Variants in MAP4 observed in about 807,000 individuals in gnomAD.
MAP4 encodes the protein microtubule associated protein 4.
MAP4 carries 76 observed loss-of-function variants against 170.2 expected under a neutral mutation model. The observed-to-expected ratio is 0.45, with a 90% CI of 0.37 to 0.54. MAP4 has a LOEUF of 0.54. MAP4 is among the 20% of genes least tolerant of loss of function. MAP4 has a pLI of 0.00. For missense variants in MAP4, 2,506 were observed against 2,748.0 expected (o/e 0.91, Z 1.97); for synonymous variants, 909 against 994.5 (o/e 0.91, Z 1.62).
chr3:48,003,430 G>A lies in MAP4; in HGVS notation c.-19-4551C>T, dbSNP rs1252768177. ...GATCGCGCCACTGCACTCCAGCCTG[G>A]GTGACAGAGTGAGACTCCTTCTCAA... On this transcript the variant is annotated intron_variant, in intron 1 of 20. Transcript: ENST00000683076. 3.4e-5 allele frequency among the ~76,000 whole-genome samples: 5 copies of A among 146,332 alleles called. No homozygotes were observed. In the East Asian group the frequency reaches 8.0e-4, roughly 23 times the overall value.
intron 3 of MAP4, among the ~76,000 whole-genome samples, chr3:47,970,451 C>A (rs1443688142): frequency 6.6e-6 from 1 of 151,418 alleles, no homozygotes; most frequent in African/African-American, 2.4e-5. Flanking sequence ...TGCCATTGCA[C>A]TGCGCTCCAG....
chr3:47,943,153 A>G (rs1201925778), intron 3 of MAP4, among the ~76,000 whole-genome samples: 2 of 152,194 alleles, frequency 1.3e-5, no homozygotes, highest in African/African-American at 4.8e-5. Flanking sequence ...AAATAAAAGT[A>G]TTTCAATAAA....
chr3:47,952,111 C>G (rs1472812836), intron 3 of MAP4, among the ~76,000 whole-genome samples: 1 of 147,290 alleles, frequency 6.8e-6, no homozygotes, highest in African/African-American at 2.5e-5. Context: ...ACCCTCCGCC[C>G]GGCAGCTGCC....
At chr3:48,021,880 A>G (rs972307272) in intron 1 of MAP4, among the ~76,000 whole-genome samples, 5 of 152,224 alleles carry the variant, frequency 3.3e-5, no homozygotes, top group East Asian at 1.9e-4. Flanking sequence ...TGGCAATGTC[A>G]TATGTTTGAA....
At chr3:47,927,569 A>G (rs2100046789) in intron 4 of MAP4, among the ~76,000 whole-genome samples, 1 of 152,082 alleles carries the variant, frequency 6.6e-6, no homozygotes, top group Non-Finnish European at 1.5e-5. Context: ...TCCGCCTCGC[A>G]GGTTCAAGCA....
chr3:47,903,350 G>A (rs1165066753), intron 9 of MAP4, among the ~76,000 whole-genome samples: 4 of 152,076 alleles, frequency 2.6e-5, no homozygotes, highest in East Asian at 1.9e-4. Flanking sequence ...TGGCTAACAC[G>A]GTGAAACCCC....
At chr3:48,070,139 T>C (rs760406220) in intron 1 of MAP4, among the ~76,000 whole-genome samples, 5 of 151,898 alleles carry the variant, frequency 3.3e-5, no homozygotes, top group Admixed American at 2.6e-4. Context: ...CTAGATAATT[T>C]TTTTTAACTT....
intron 9 of MAP4, among the ~76,000 whole-genome samples, chr3:47,903,900 C>A (rs980122284): frequency 3.3e-5 from 5 of 152,162 alleles, no homozygotes; most frequent in African/African-American, 1.2e-4. Flanking sequence ...TAGACAGAGT[C>A]AAAAGACCTA....
upstream of MAP4, among the ~76,000 whole-genome samples, chr3:48,017,912 G>A (rs1017240063): frequency 6.6e-6 from 1 of 152,278 alleles, no homozygotes; most frequent in East Asian, 1.9e-4. Flanking sequence ...CAGATAGCAG[G>A]AGGGGTGAGA....
chr3:47,928,209 C>T lies in MAP4; in HGVS notation c.415+19G>A, dbSNP rs774275800. 6.8e-6 allele frequency: 11 copies of T among 1,612,698 alleles called. No individual in the cohort carries two copies. The highest frequency in any genetic ancestry group is 2.7e-5 in the African/African-American group (2 of 74,982). ...TGTCATAGCACACATTTAGTAGTCA[C>T]GAGCAAGCCAACACTTACCAGTCTG... On this transcript the variant is annotated intron_variant, in intron 4 of 20. Coordinates refer to ENST00000683076, the MANE Select transcript of MAP4 (RefSeq NM_001385682.1).
chr3:48,043,812 ATAAT>A (rs1370286608), intron 1 of MAP4, among the ~76,000 whole-genome samples: 1 of 152,212 alleles, frequency 6.6e-6, no homozygotes, highest in Non-Finnish European at 1.5e-5. Flanking sequence ...AGTGATCATA[ATAAT>A]TAATGAGAAA....
chr3:48,022,062 A>G (rs1223794166), intron 1 of MAP4, among the ~76,000 whole-genome samples: 1 of 152,246 alleles, frequency 6.6e-6, no homozygotes, highest in Non-Finnish European at 1.5e-5. Context: ...TGGATACTTA[A>G]TATCTGACAA....
intron 1 of MAP4, among the ~76,000 whole-genome samples, chr3:48,084,648 T>A (rs1259606338): frequency 2.0e-5 from 3 of 151,476 alleles, no homozygotes; most frequent in Non-Finnish European, 2.9e-5. Flanking sequence ...CACAATCATA[T>A]CACTGGAGCC....
At chr3:47,988,660 A>G (rs79470271) in intron 2 of MAP4, among the ~76,000 whole-genome samples, 1,873 of 152,112 alleles carry the variant, frequency 0.012, 44 homozygotes, top group African/African-American at 0.043. Context: ...ATGAAGCAAG[A>G]TTCTTTTACA....
chr3:48,073,252 TACAC>T (rs35163339), intron 1 of MAP4, among the ~76,000 whole-genome samples: 8,220 of 134,170 alleles, frequency 0.061, 277 homozygotes, highest in East Asian at 0.083. Flanking sequence ...TCCAAAGGAA[TACAC>T]ACACACACAC....
intron 10 of MAP4, among the ~76,000 whole-genome samples, chr3:47,893,758 GCTTT>G (rs1199990453): frequency 6.9e-6 from 1 of 145,504 alleles, no homozygotes; most frequent in Admixed American, 6.8e-5. Context: ...GATTTAGATT[GCTTT>G]TTTTTTTTTT....
At chr3:47,984,734 C>T (rs978077621) in intron 2 of MAP4, among the ~76,000 whole-genome samples, 4 of 150,978 alleles carry the variant, frequency 2.6e-5, no homozygotes, top group Non-Finnish European at 5.9e-5. Flanking sequence ...TTTGGGAGAC[C>T]GAGGCAGGCA....
At chr3:48,061,854 C>CCCGG (rs1427567925) in intron 1 of MAP4, among the ~76,000 whole-genome samples, 4 of 150,242 alleles carry the variant, frequency 2.7e-5, no homozygotes, top group Non-Finnish European at 5.9e-5. Flanking sequence ...GCAGCCCCCG[C>CCCGG]CCGGCCAGCC....
At chr3:47,920,019 G>A (rs1330359120) in intron 5 of MAP4, among the ~76,000 whole-genome samples, 2 of 152,038 alleles carry the variant, frequency 1.3e-5, no homozygotes, top group East Asian at 3.9e-4. Flanking sequence ...TGCCCAGGCT[G>A]GAGTGCAATG....
Sources: allele counts gnomAD v4.1 joint callset (sites outside exome capture counted in the v4.1 genomes callset), GRCh38; gene constraint gnomAD v4.1.1; transcripts MANE v1.5; gene names NCBI Gene and HGNC (gene_info 2026-07-23, HGNC 2026-07-21).